Variants in CCPG1 observed in about 807,000 individuals in gnomAD.
CCPG1 encodes cell cycle progression 1, also known as cell cycle progression protein 1.
In CCPG1, 46 loss-of-function variants were observed where a neutral mutation model predicts 81.3. The ratio of observed to expected loss-of-function variants is 0.57; its 90% CI spans 0.45 to 0.72. CCPG1 has a LOEUF of 0.72. Among genes scored for constraint, CCPG1 ranks in the 30% least tolerant of loss-of-function variants. The pLI, the probability that CCPG1 is intolerant of heterozygous loss-of-function variation, is 0.00. For synonymous variants in CCPG1, 330 were observed against 305.2 expected, an observed-to-expected ratio of 1.08 and a Z score of -0.85; for missense variants, 902 against 937.6, an observed-to-expected ratio of 0.96 and a Z score of 0.50.
intron 1 of CCPG1, among the ~76,000 whole-genome samples, chr15:55,390,175 G>A (rs1488311619): frequency 6.6e-6 from 1 of 152,138 alleles, no homozygotes; most frequent in Non-Finnish European, 1.5e-5. Context: ...GCCTGCCTCA[G>A]CCTCCCAAAG....
intron 3 of CCPG1, among the ~76,000 whole-genome samples, chr15:55,384,552 G>A (rs1437569211): frequency 2.6e-5 from 4 of 152,144 alleles, no homozygotes; most frequent in Admixed American, 6.6e-5. Context: ...CCAGCTGAGA[G>A]GCTGAGGCAG....
At chr15:55,361,480 G>T (rs967441312) in intron 7 of CCPG1, among the ~76,000 whole-genome samples, 30 of 151,736 alleles carry the variant, frequency 2.0e-4, no homozygotes, top group African/African-American at 7.0e-4. Flanking sequence ...GGCTGAGGTG[G>T]GTGGATCACG....
intron 2 of CCPG1, among the ~76,000 whole-genome samples, chr15:55,386,617 C>T (rs1455650932): frequency 2.6e-5 from 4 of 151,538 alleles, no homozygotes; most frequent in East Asian, 2.0e-4. Context: ...AAAGTAGGGC[C>T]GGGGCAGTGG....
At position 55,377,030 on chromosome 15, in the gene CCPG1, CAAT is replaced by C. The variant is rs1357029905; in HGVS notation, c.370_372del (p.Ile124del). 6.2e-7 allele frequency: 1 copy of C among 1,613,912 alleles called. No individual in the cohort carries two copies. Among genetic ancestry groups the C allele is most frequent in the Middle Eastern group, 1.7e-4 (1 of 6,058 alleles). On this transcript the variant is annotated inframe_deletion, in exon 5 of 9. Coordinates refer to ENST00000442196, the MANE Select transcript of CCPG1 (RefSeq NM_001204450.2). ...TCTTCTGAACTCTGTGCTTCTTCAA[CAAT>C]GACAACTTCTTGATTTCCAATTTCT...
chr15:55,381,681 C>A (rs746246718), intron 3 of CCPG1, among the ~76,000 whole-genome samples: 1 of 152,156 alleles, frequency 6.6e-6, no homozygotes, highest in African/African-American at 2.4e-5. Context: ...GTTCTGTATG[C>A]ATTTTACTGT....
chr15:55,402,504 C>T (rs1297199907), intron 1 of CCPG1, among the ~76,000 whole-genome samples: 3 of 152,174 alleles, frequency 2.0e-5, no homozygotes, highest in Non-Finnish European at 2.9e-5. Context: ...GCTGGGATTA[C>T]AGGCATGAGC....
In CCPG1 at chr15:55,360,634, T is replaced by C; in HGVS notation, c.1139A>G (p.Lys380Arg). 1.9e-6 allele frequency: 3 copies of C among 1,614,206 alleles called. No individual in the cohort carries two copies. The highest frequency in any genetic ancestry group is 2.5e-6 in the Non-Finnish European group (3 of 1,180,034). The change falls in exon 8 of 9, where the codon AAG becomes AGG. Residue 380 changes from lysine to arginine, a missense_variant. This residue lies in a region of CCPG1 where 746 missense variants were observed against 728.6 expected (regional missense o/e 1.02). Coordinates refer to ENST00000442196, the MANE Select transcript of CCPG1 (RefSeq NM_001204450.2). The part of the protein sequence containing the change: ...SQRETLLTEA[K>R]MLKRELERER... ...TCTCTCCAGTTCTCTCTTTAGCATC[T>C]TTGCTTCTGTCAACAGAGTCTCCCT...
At position 55,359,557 on chromosome 15, in the gene CCPG1, G is replaced by GA; in HGVS notation, c.2215dup (p.Ser739PhefsTer10). ...AACCGACCTGGGTCCATATGGAGGGGAAAAAGTGTGACCAAAGAAGTGTCT... is the reference window on the plus strand; with the variant it reads ...AACCGACCTGGGTCCATATGGAGGGGAAAAAAGTGTGACCAAAGAAGTGTCT... On this transcript the variant is annotated frameshift_variant, in exon 8 of 9. Coordinates refer to ENST00000442196, the MANE Select transcript of CCPG1 (RefSeq NM_001204450.2). LOFTEE classifies it high-confidence loss of function. 1 of 1,609,262 alleles carries GA rather than the reference G, an allele frequency of 6.2e-7. No individual in the cohort carries two copies. The highest frequency in any genetic ancestry group is 8.5e-7 in the Non-Finnish European group (1 of 1,178,428).
At chr15:55,364,834 C>G (rs2056288704) in intron 7 of CCPG1, among the ~76,000 whole-genome samples, 1 of 152,086 alleles carries the variant, frequency 6.6e-6, no homozygotes, top group African/African-American at 2.4e-5. Flanking sequence ...GGTTGCACCA[C>G]TGCACTCCAG....
chr15:55,379,350 C>T (rs1392626422), intron 3 of CCPG1, among the ~76,000 whole-genome samples: 1 of 151,710 alleles, frequency 6.6e-6, no homozygotes, highest in African/African-American at 2.4e-5. Flanking sequence ...CAGCAAGACC[C>T]TGTCTCTACA....
intron 1 of CCPG1, among the ~76,000 whole-genome samples, chr15:55,400,203 C>CA (rs61331208): frequency 0.036 from 1,179 of 32,548 alleles, 58 homozygotes; most frequent in African/African-American, 0.06. Context: ...TACTCTACCT[C>CA]AAAAAAAAAA....
intron 5 of CCPG1, among the ~76,000 whole-genome samples, chr15:55,376,649 G>C (rs1392865832): frequency 6.6e-6 from 1 of 152,050 alleles, no homozygotes; most frequent in Non-Finnish European, 1.5e-5. Context: ...CACTCTTAAA[G>C]ATCTAAAAAG....
At chr15:55,368,124 T>C (rs2056370012) in intron 6 of CCPG1, among the ~76,000 whole-genome samples, 1 of 152,186 alleles carries the variant, frequency 6.6e-6, no homozygotes, top group African/African-American at 2.4e-5. Context: ...TTTTCATATA[T>C]GTGAGGTCCG....
chr15:55,372,991 C>G, intron 5 of CCPG1: 1 of 534,618 alleles, frequency 1.9e-6, no homozygotes, highest in Non-Finnish European at 3.8e-6. Context: ...TTAATTTTAC[C>G]CTCTAGTAAA....
intron 7 of CCPG1, among the ~76,000 whole-genome samples, chr15:55,364,423 G>A (rs191224192): frequency 2.0e-5 from 3 of 150,504 alleles, no homozygotes; most frequent in Non-Finnish European, 4.4e-5. Flanking sequence ...TGTTTGCTTC[G>A]CTCTGTGAAA....
chr15:55,363,799 CTTTTTTT>C lies in CCPG1; in HGVS notation c.828+1382_828+1388del, dbSNP rs565044184. ...AATAGCTTACTTTTCTTTCCTTTTC[CTTTTTTT>C]TTTTTTTTTTTTTTTTTGAGACAGT... On this transcript the variant is annotated intron_variant, in intron 7 of 8. Transcript: ENST00000442196. Among the ~76,000 whole-genome samples the C allele has an allele frequency of 3.1e-4, 29 of 93,940 alleles. 1 individual carries two copies. Among genetic ancestry groups the C allele is most frequent in the Middle Eastern group, 6.8e-3 (1 of 148 alleles). 61.6% of individuals were successfully genotyped at this position (93,940 alleles called of 152,430 possible).
In CCPG1 at chr15:55,359,791, T is replaced by C. The variant is rs1352347353; in HGVS notation, c.1982A>G (p.Gln661Arg). Reference protein sequence around the residue: ...IRMDEFRQIIQRYMLKELDTF... With the variant: ...IRMDEFRQIIRRYMLKELDTF... The stretch of plus-strand genomic sequence containing the variant: ...ATCCAGTTCTTTTAACATGTACCTT[T>C]GAATTATCTGTCTAAATTCATCCAT... Residue 661 changes from glutamine (Q) to arginine (R), a missense_variant, in exon 8 of 9, where the codon CAA (glutamine) becomes CGA (arginine). Gln to Arg is a conservative substitution (Grantham distance 43). Around this residue, in one of 3 missense-constraint regions of CCPG1, gnomAD observed 746 missense variants for 728.6 expected, o/e 1.02. Transcript: ENST00000442196. 1 of 1,613,306 alleles carries C rather than the reference T, an allele frequency of 6.2e-7. No individual in the cohort carries two copies. Among genetic ancestry groups the C allele is most frequent in the Admixed American group, 1.7e-5 (1 of 59,984 alleles).
rs1038656500 is a variant in CCPG1, at chr15:55,360,763, A to C, written c.1010T>G (p.Ile337Arg). ...AGTACTTGTCCCTTTATCTTCCAAT[A>C]TTCTAATCTGTTCTCTTAGTTTGTT... The part of the protein sequence containing the change: ...ELNKLREQIR[I>R]LEDKGTSTEL... The change falls in exon 8 of 9, where the codon ATA (isoleucine) becomes AGA (arginine). Residue 337 changes from isoleucine to arginine, a missense_variant. Ile to Arg is a moderately conservative substitution (Grantham distance 97, BLOSUM62 -3). This residue lies in a region of CCPG1 where 746 missense variants were observed against 728.6 expected (regional missense o/e 1.02). Coordinates refer to ENST00000442196, the MANE Select transcript of CCPG1 (RefSeq NM_001204450.2). 1.2e-6 allele frequency: 2 copies of C among 1,612,078 alleles called. No individual in the cohort carries two copies. Among genetic ancestry groups the C allele is most frequent in the Admixed American group, 1.7e-5 (1 of 59,646 alleles).
At chr15:55,402,100 C>T (rs548550813) in intron 1 of CCPG1, among the ~76,000 whole-genome samples, 2 of 152,334 alleles carry the variant, frequency 1.3e-5, no homozygotes, top group African/African-American at 4.8e-5. Context: ...ACTTACTATA[C>T]TTCTCAGCAT....
Sources: gnomAD v4.1 joint callset for allele counts (sites outside exome capture counted in the v4.1 genomes callset) on GRCh38, gnomAD v4.1.1 for gene constraint, gnomAD v4.1.1 regional missense constraint, MANE v1.5 for transcripts, NCBI Gene and HGNC (gene_info 2026-07-23, HGNC 2026-07-21) for gene names.